The following MINDY3 variants were observed in gnomAD, a reference collection of about 807,000 sequenced individuals.
The protein encoded by MINDY3 is MINDY lysine 48 deubiquitinase 3.
In MINDY3, 38 loss-of-function variants were observed where a neutral mutation model predicts 69.2. That is an observed-to-expected ratio of 0.55 (90% CI 0.42 to 0.72). The LOEUF is 0.72. Ranked by LOEUF, MINDY3 falls within the 30% of genes least tolerant of loss-of-function variation. MINDY3 has a pLI of 0.00. For synonymous variants in MINDY3, 192 were observed against 180.1 expected, an observed-to-expected ratio of 1.07 and a Z score of -0.53; for missense variants, 522 against 519.0, an observed-to-expected ratio of 1.01 and a Z score of -0.06.
intron 9 of MINDY3, among the ~76,000 whole-genome samples, chr10:15,820,088 A>T (rs1335031246): frequency 6.6e-6 from 1 of 152,220 alleles, no homozygotes; most frequent in African/African-American, 2.4e-5. Context: ...AGATTTAAAA[A>T]GAAAAGTAAA....
intron 11 of MINDY3, among the ~76,000 whole-genome samples, chr10:15,792,382 A>G (rs1837486499): frequency 6.6e-6 from 1 of 152,104 alleles, no homozygotes; most frequent in Admixed American, 6.6e-5. Flanking sequence ...TAAGTAGCTC[A>G]TTTATAGCTT....
chr10:15,804,738 A>T (rs1838511463), intron 10 of MINDY3, among the ~76,000 whole-genome samples: 1 of 152,170 alleles, frequency 6.6e-6, no homozygotes, highest in Non-Finnish European at 1.5e-5. Context: ...TTTATGAACA[A>T]ATAATTTGGG....
At chr10:15,856,421 A>C (rs570150447) in intron 1 of MINDY3, among the ~76,000 whole-genome samples, 5 of 152,142 alleles carry the variant, frequency 3.3e-5, no homozygotes, top group African/African-American at 1.2e-4. Context: ...GGAAAAAGAA[A>C]AAAAAAACCC....
intron 1 of MINDY3, among the ~76,000 whole-genome samples, chr10:15,853,338 A>G (rs959519017): frequency 6.6e-6 from 1 of 152,084 alleles, no homozygotes; most frequent in Non-Finnish European, 1.5e-5. Flanking sequence ...GGAAGTTACA[A>G]TTATTTACAT....
chr10:15,828,339 G>A (rs1840229220), intron 8 of MINDY3, among the ~76,000 whole-genome samples: 1 of 152,186 alleles, frequency 6.6e-6, no homozygotes, highest in Non-Finnish European at 1.5e-5. Context: ...GATAGCGTAT[G>A]AGTCTATTTC....
intron 1 of MINDY3, 27 bp downstream of exon 1, chr10:15,860,179 G>C (rs1362787671): frequency 3.9e-6 from 6 of 1,546,754 alleles, no homozygotes; most frequent in South Asian, 1.2e-5. Context: ...AGCAGCGGCT[G>C]CAAGTGTGAG....
At chr10:15,859,859 G>C (rs1198800194) in intron 1 of MINDY3, among the ~76,000 whole-genome samples, 1 of 152,214 alleles carries the variant, frequency 6.6e-6, no homozygotes, top group Non-Finnish European at 1.5e-5. Flanking sequence ...GATGCGGAAG[G>C]CCACAGCACC....
intron 13 of MINDY3, 119 bp downstream of exon 13, chr10:15,786,442 G>T: frequency 1.5e-6 from 1 of 685,012 alleles, no homozygotes; most frequent in Non-Finnish European, 2.6e-6. Context: ...ATGTAACGGT[G>T]TTTTCTCAGT....
intron 5 of MINDY3, 46 bp downstream of exon 5, chr10:15,838,179 GGCA>G: frequency 6.4e-7 from 1 of 1,557,790 alleles, no homozygotes; most frequent in South Asian, 1.2e-5. Flanking sequence ...GACTTAAAGT[GGCA>G]ATGTGTCCAC....
chr10:15,786,518 T>C (rs1172805202), intron 13 of MINDY3, 43 bp downstream of exon 13: 2 of 1,157,402 alleles, frequency 1.7e-6, no homozygotes, highest in Non-Finnish European at 2.6e-6. Flanking sequence ...CAGGTAATCA[T>C]CCCAACAGAA....
intron 13 of MINDY3, among the ~76,000 whole-genome samples, chr10:15,783,318 T>G (rs1836698378): frequency 6.6e-6 from 1 of 152,174 alleles, no homozygotes; most frequent in Non-Finnish European, 1.5e-5. Context: ...CCTGCAATCA[T>G]GAGTCTTAAA....
chr10:15,818,273 A>C (rs1839510196), intron 9 of MINDY3, among the ~76,000 whole-genome samples: 1 of 152,146 alleles, frequency 6.6e-6, no homozygotes, highest in Non-Finnish European at 1.5e-5. Flanking sequence ...ATTAGATATT[A>C]ACCTTTCTTT....
intron 10 of MINDY3, among the ~76,000 whole-genome samples, chr10:15,810,514 G>C (rs185402046): frequency 4.7e-4 from 72 of 152,258 alleles, no homozygotes; most frequent in African/African-American, 1.7e-3. Flanking sequence ...ATGTAAGATA[G>C]AGATCTATTG....
At chr10:15,816,507 T>C (rs1282054031) in intron 10 of MINDY3, among the ~76,000 whole-genome samples, 3 of 152,022 alleles carry the variant, frequency 2.0e-5, no homozygotes, top group Non-Finnish European at 4.4e-5. Flanking sequence ...AATAAATCTT[T>C]TATCCTACTT....
At chr10:15,817,980 G>A (rs1417137523) in intron 9 of MINDY3, 1 of 152,242 alleles carries the variant, frequency 6.6e-6, no homozygotes, top group African/African-American at 2.4e-5. Flanking sequence ...AGCCAGTAAA[G>A]TAGGAAGGAT....
chr10:15,855,954 C>G (rs563813374), intron 1 of MINDY3, among the ~76,000 whole-genome samples: 8 of 151,710 alleles, frequency 5.3e-5, no homozygotes, highest in Non-Finnish European at 7.4e-5. Context: ...TTCAAAGTAC[C>G]AAGGAATTAA....
chr10:15,843,899 C>G (rs911323176), intron 2 of MINDY3, among the ~76,000 whole-genome samples: 8 of 152,152 alleles, frequency 5.3e-5, no homozygotes, highest in African/African-American at 1.9e-4. Flanking sequence ...AGCTATATCC[C>G]AGTCACCTGA....
chr10:15,802,919 A>G (rs1270612832), intron 10 of MINDY3, among the ~76,000 whole-genome samples: 1 of 152,182 alleles, frequency 6.6e-6, no homozygotes, highest in Admixed American at 6.6e-5. Flanking sequence ...CTTAAAAAAG[A>G]TGTGTTTACA....
At chr10:15,794,357 C>A (rs1379412518) in intron 11 of MINDY3, among the ~76,000 whole-genome samples, 1 of 152,014 alleles carries the variant, frequency 6.6e-6, no homozygotes, top group African/African-American at 2.4e-5. Context: ...AGAAAAAAAA[C>A]TGAAAAATTA....
Sources: allele counts gnomAD v4.1 joint callset (sites outside exome capture counted in the v4.1 genomes callset), GRCh38; gene constraint gnomAD v4.1.1; transcripts MANE v1.5; gene names NCBI Gene and HGNC (gene_info 2026-07-23, HGNC 2026-07-21).